Variants in ACOXL observed in about 807,000 individuals in gnomAD.
The protein encoded by ACOXL is acyl-CoA oxidase like, also known as acyl-coenzyme A oxidase-like protein.
A neutral mutation model predicts 71.9 loss-of-function variants in ACOXL; 70 were observed. That is an observed-to-expected ratio of 0.97 (90% CI 0.80 to 1.19). The LOEUF (loss-of-function observed/expected upper bound fraction) is 1.19. Ranked by LOEUF, ACOXL falls within the 50% of genes most tolerant of loss-of-function variation. ACOXL has a pLI of 0.00. For missense variants in ACOXL, 703 were observed against 736.3 expected (o/e 0.95, Z 0.52); for synonymous variants, 253 against 281.6 (o/e 0.90, Z 1.02).
chr2:111,116,552 TAAC>T (rs2070366866), intron 17 of ACOXL, among the ~76,000 whole-genome samples: 1 of 152,310 alleles, frequency 6.6e-6, no homozygotes, highest in East Asian at 1.9e-4. Context: ...ACTGTGATCT[TAAC>T]AACATCAGTG....
chr2:110,926,512 C>T (rs559451407), intron 11 of ACOXL, among the ~76,000 whole-genome samples: 11 of 152,220 alleles, frequency 7.2e-5, no homozygotes, highest in South Asian at 4.2e-4. Context: ...TGTATAACAT[C>T]GAGAAGGCTG....
chr2:110,901,348 T>G lies in ACOXL; in HGVS notation c.789-7441T>G, dbSNP rs1055513649. Among the ~76,000 whole-genome samples the G allele has an allele frequency of 3.3e-5, 5 of 152,300 alleles. 1 individual carries two copies. The highest frequency in any genetic ancestry group is 1.2e-4 in the African/African-American group (5 of 41,558). On this transcript the variant is annotated intron_variant, in intron 10 of 17. Transcript: ENST00000439055. Reference sequence around the variant, plus strand: ...GCTCTGTATGTAGACTATGTGACATTGACACCAGAGCCACAGACTCTCATC... The same window carrying G: ...GCTCTGTATGTAGACTATGTGACATGGACACCAGAGCCACAGACTCTCATC...
intron 15 of ACOXL, among the ~76,000 whole-genome samples, chr2:111,047,843 C>T (rs2066090807): frequency 6.6e-6 from 1 of 152,156 alleles, no homozygotes; most frequent in South Asian, 2.1e-4. Flanking sequence ...CTATGGATCC[C>T]AAGTATGTCT....
At chr2:111,077,035 A>G (rs66631848) in intron 16 of ACOXL, among the ~76,000 whole-genome samples, 6,916 of 152,196 alleles carry the variant, frequency 0.045, 204 homozygotes, top group African/African-American at 0.067. Context: ...AAGAATCTTA[A>G]CTACACCTGT....
At chr2:110,967,977 A>G in intron 12 of ACOXL, 1 of 927,708 alleles carries the variant, frequency 1.1e-6, no homozygotes, top group South Asian at 1.3e-5. Flanking sequence ...ACACACCCAA[A>G]TATAGGATAG....
At chr2:111,116,883 C>G (rs964919986) in intron 17 of ACOXL, among the ~76,000 whole-genome samples, 1 of 152,142 alleles carries the variant, frequency 6.6e-6, no homozygotes, top group African/African-American at 2.4e-5. Context: ...GTGCAGCTTC[C>G]AAAACACTGA....
chr2:110,909,419 C>T (rs1489260706), intron 11 of ACOXL, among the ~76,000 whole-genome samples: 1 of 152,022 alleles, frequency 6.6e-6, no homozygotes, highest in Non-Finnish European at 1.5e-5. Flanking sequence ...CTCAGCTATT[C>T]CTCCCCAAGT....
intron 1 of ACOXL, among the ~76,000 whole-genome samples, chr2:110,751,250 G>A (rs938273160): frequency 1.4e-5 from 2 of 145,456 alleles, no homozygotes; most frequent in East Asian, 4.1e-4. Context: ...GCAGTGAGCC[G>A]AGATCGTGCC....
intron 12 of ACOXL, among the ~76,000 whole-genome samples, chr2:110,950,910 G>T (rs537872414): frequency 6.6e-6 from 1 of 152,082 alleles, no homozygotes. Context: ...CTGTGCTAGA[G>T]GGTCTCTCTC....
intron 12 of ACOXL, among the ~76,000 whole-genome samples, chr2:110,953,836 G>C (rs1309978170): frequency 6.6e-6 from 1 of 152,144 alleles, no homozygotes; most frequent in Non-Finnish European, 1.5e-5. Flanking sequence ...AGAGAGAGAA[G>C]TCGGGGGGAG....
chr2:110,957,841 G>C (rs1183379026), intron 12 of ACOXL, among the ~76,000 whole-genome samples: 1 of 152,030 alleles, frequency 6.6e-6, no homozygotes, highest in African/African-American at 2.4e-5. Context: ...CGGATCACCT[G>C]AGGTGAGGAG....
At chr2:110,889,073 T>C (rs984923330) in intron 10 of ACOXL, among the ~76,000 whole-genome samples, 3 of 152,248 alleles carry the variant, frequency 2.0e-5, no homozygotes, top group Admixed American at 6.5e-5. Flanking sequence ...AAGTGAGTTT[T>C]GTCTTGCATT....
At chr2:110,867,066 G>C (rs1426339331) in intron 10 of ACOXL, among the ~76,000 whole-genome samples, 1 of 152,144 alleles carries the variant, frequency 6.6e-6, no homozygotes, top group Non-Finnish European at 1.5e-5. Context: ...ACCGTGCTTT[G>C]CTGAATGGAG....
intron 16 of ACOXL, among the ~76,000 whole-genome samples, chr2:111,054,786 C>A (rs963966759): frequency 2.6e-5 from 4 of 152,190 alleles, no homozygotes; most frequent in African/African-American, 9.6e-5. Context: ...CATGACTCAA[C>A]CCTTCAGTCC....
rs2065159467 is a variant in ACOXL at position 111,029,348 on chromosome 2, A to G, written c.1282-2279A>G. 2.6e-5 allele frequency among the ~76,000 whole-genome samples: 4 copies of G among 152,228 alleles called. No individual in the cohort carries two copies. In the South Asian group the frequency reaches 8.3e-4, roughly 31 times the overall value. On this transcript the variant is annotated intron_variant, in intron 14 of 17. Transcript: ENST00000439055. ...ATACATATATTTTAAAATCTTGTGCATTGCATAGGCAATTAGAGGGTTATA... is the reference window on the plus strand; with the variant it reads ...ATACATATATTTTAAAATCTTGTGCGTTGCATAGGCAATTAGAGGGTTATA...
intron 11 of ACOXL, among the ~76,000 whole-genome samples, chr2:110,914,025 T>C (rs1319085572): frequency 6.6e-6 from 1 of 152,110 alleles, no homozygotes; most frequent in Admixed American, 6.6e-5. Flanking sequence ...TGATTGCTAA[T>C]AGGTATAGGC....
At chr2:110,788,722 AT>A (rs1419079529) in intron 3 of ACOXL, among the ~76,000 whole-genome samples, 2 of 152,196 alleles carry the variant, frequency 1.3e-5, no homozygotes, top group East Asian at 3.8e-4. Flanking sequence ...ATTGTGGGAG[AT>A]TTTTCTTTTC....
At position 111,006,161 on chromosome 2, in the gene ACOXL, A is replaced by T. The variant is rs535268490; in HGVS notation, c.1281+10157A>T. 5.9e-5 allele frequency among the ~76,000 whole-genome samples: 9 copies of T among 152,366 alleles called. 1 individual carries two copies. The South Asian group carries it at 1.9e-3, about 32-fold the overall frequency. On this transcript the variant is annotated intron_variant, in intron 14 of 17. Coordinates refer to ENST00000439055, the MANE Select transcript of ACOXL (RefSeq NM_001142807.4). Reference sequence around the variant, plus strand: ...CCTGTGGCTGAGTTGAGTTAGGAAGATGACCTGATGGAGGGGCTCTCTTTG... The same window carrying T: ...CCTGTGGCTGAGTTGAGTTAGGAAGTTGACCTGATGGAGGGGCTCTCTTTG...
chr2:110,877,379 TCTG>T (rs958041090), intron 10 of ACOXL, among the ~76,000 whole-genome samples: 1 of 152,250 alleles, frequency 6.6e-6, no homozygotes, highest in African/African-American at 2.4e-5. Context: ...AGACCAAGCT[TCTG>T]CTGCGGCCCG....
Sources: gnomAD v4.1 joint callset for allele counts (sites outside exome capture counted in the v4.1 genomes callset) on GRCh38, gnomAD v4.1.1 for gene constraint, MANE v1.5 for transcripts, NCBI Gene and HGNC (gene_info 2026-07-23, HGNC 2026-07-21) for gene names.